SPATA6: variants seen among roughly 807,000 people sequenced by gnomAD.
SPATA6 encodes spermatogenesis associated 6, also known as spermatogenesis-associated protein 6.
A neutral mutation model predicts 65.3 loss-of-function variants in SPATA6; 56 were observed. That is an observed-to-expected ratio of 0.86 (90% confidence interval 0.69 to 1.07). The LOEUF (loss-of-function observed/expected upper bound fraction) is 1.07. SPATA6 is among the 50% of genes least tolerant of loss of function. The probability of loss-of-function intolerance (pLI) is 0.00; values close to 1 mark genes in which losing one functional copy is unlikely to be tolerated. For missense variants in SPATA6, 590 were observed against 594.8 expected (o/e 0.99, Z 0.08); for synonymous variants, 199 against 213.2 (o/e 0.93, Z 0.58).
intron 11 of SPATA6, among the ~76,000 whole-genome samples, chr1:48,306,436 C>G (rs1430355852): frequency 6.6e-6 from 1 of 151,916 alleles, no homozygotes; most frequent in African/African-American, 2.4e-5. Context: ...TATGGGCAGC[C>G]TGTTCTTAAT....
chr1:48,383,301 G>A (rs375506207), intron 9 of SPATA6, among the ~76,000 whole-genome samples: 5,213 of 24,936 alleles, frequency 0.21, 1,836 homozygotes, highest in East Asian at 0.75. Flanking sequence ...CTGGCCGGGC[G>A]GGGGGCTGAC....
At chr1:48,317,170 A>T (rs1367773387) in intron 11 of SPATA6, among the ~76,000 whole-genome samples, 1 of 152,226 alleles carries the variant, frequency 6.6e-6, no homozygotes, top group East Asian at 1.9e-4. Flanking sequence ...CAGCCATCCC[A>T]TTACTGGGTA....
intron 3 of SPATA6, among the ~76,000 whole-genome samples, chr1:48,418,544 CAAAAAAAAAAAA>C (rs34415296): frequency 6.2e-4 from 31 of 49,700 alleles, no homozygotes; most frequent in Admixed American, 1.9e-3. Context: ...CCCATCCCTA[CAAAAAAAAAAAA>C]AAAAAAAAAA....
chr1:48,372,388 T>C (rs1255784337), intron 9 of SPATA6, among the ~76,000 whole-genome samples: 2 of 152,184 alleles, frequency 1.3e-5, no homozygotes, highest in African/African-American at 2.4e-5. Flanking sequence ...ATGATCTCCT[T>C]TGACTCCATA....
chr1:48,438,782 A>G (rs956278799), intron 3 of SPATA6, among the ~76,000 whole-genome samples: 5 of 152,044 alleles, frequency 3.3e-5, no homozygotes, highest in Non-Finnish European at 7.4e-5. Flanking sequence ...AGTTTCTCCT[A>G]TAAGAGTGAT....
chr1:48,456,156 C>T (rs955148858), intron 1 of SPATA6, among the ~76,000 whole-genome samples: 1 of 152,160 alleles, frequency 6.6e-6, no homozygotes, highest in African/African-American at 2.4e-5. Context: ...GCAAATGGCA[C>T]CAGGGCACAG....
chr1:48,353,434 GA>G (rs761585999), intron 11 of SPATA6, among the ~76,000 whole-genome samples: 1,855 of 134,156 alleles, frequency 0.014, 47 homozygotes, highest in African/African-American at 0.048. Context: ...TTTCATTCTT[GA>G]AAAAAAAAAA....
chr1:48,415,444 A>G (rs1264434489), intron 3 of SPATA6, among the ~76,000 whole-genome samples: 2 of 152,152 alleles, frequency 1.3e-5, no homozygotes, highest in Non-Finnish European at 2.9e-5. Flanking sequence ...TTTGTTTTTA[A>G]CACAGACAAC....
intron 8 of SPATA6, among the ~76,000 whole-genome samples, chr1:48,390,545 T>C (rs1399423888): frequency 1.3e-5 from 2 of 152,144 alleles, no homozygotes; most frequent in African/African-American, 4.8e-5. Flanking sequence ...TATTTCAAAG[T>C]AGCTGGAAGA....
intron 11 of SPATA6, among the ~76,000 whole-genome samples, chr1:48,337,674 T>C (rs557595929): frequency 1.3e-5 from 2 of 151,996 alleles, no homozygotes; most frequent in African/African-American, 2.4e-5. Context: ...GGATTACAGA[T>C]GACTAAAAGC....
intron 3 of SPATA6, among the ~76,000 whole-genome samples, chr1:48,415,305 G>A (rs1652655177): frequency 6.6e-6 from 1 of 152,206 alleles, no homozygotes; most frequent in African/African-American, 2.4e-5. Flanking sequence ...GATGGCCTTT[G>A]TGCAAGGCTT....
chr1:48,266,946 T>C, the SPATA6 span, among the ~76,000 whole-genome samples: 5 of 152,210 alleles, frequency 3.3e-5, no homozygotes, highest in Non-Finnish European at 7.3e-5. Context: ...TTTCAACATG[T>C]CCTTGTTAAG....
chr1:48,346,845 T>C (rs988618541), intron 11 of SPATA6, among the ~76,000 whole-genome samples: 1 of 152,064 alleles, frequency 6.6e-6, no homozygotes, highest in Admixed American at 6.6e-5. Flanking sequence ...AAACATCCCA[T>C]GCTCATGGAT....
chr1:48,355,341 T>C (rs1000568100), intron 11 of SPATA6: 4 of 174,176 alleles, frequency 2.3e-5, no homozygotes, highest in African/African-American at 9.5e-5. Flanking sequence ...TGAAATTGCT[T>C]TATATTGGGC....
At chr1:48,411,373 G>C in intron 5 of SPATA6, 91 bp downstream of exon 5, 1 of 1,377,750 alleles carries the variant, frequency 7.3e-7, no homozygotes, top group Non-Finnish European at 9.6e-7. Context: ...CTTTGAATTT[G>C]TTCTTCACAT....
At chr1:48,291,424 T>C (rs1446567377), downstream of SPATA6, among the ~76,000 whole-genome samples, 3 of 151,830 alleles carry the variant, frequency 2.0e-5, no homozygotes, top group African/African-American at 4.8e-5. Flanking sequence ...GGGATGGGGG[T>C]GTGGTTCCCA....
intron 3 of SPATA6, among the ~76,000 whole-genome samples, chr1:48,421,009 G>C (rs1653273856): frequency 1.3e-5 from 2 of 152,146 alleles, no homozygotes; most frequent in African/African-American, 4.8e-5. Flanking sequence ...CAGAAGTAGA[G>C]AGCAGGATAG....
chr1:48,305,368 C>T (rs1236940080), intron 12 of SPATA6, among the ~76,000 whole-genome samples: 4 of 152,046 alleles, frequency 2.6e-5, no homozygotes, highest in Admixed American at 1.3e-4. Flanking sequence ...TGTCAAAAAT[C>T]TTGATGAAAT....
intron 11 of SPATA6, among the ~76,000 whole-genome samples, chr1:48,327,728 A>G (rs1451404040): frequency 6.6e-6 from 1 of 152,174 alleles, no homozygotes; most frequent in Admixed American, 6.5e-5. Context: ...AAAATCAAAT[A>G]CTGCATGTTC....
Sources: gnomAD v4.1 joint callset for allele counts (sites outside exome capture counted in the v4.1 genomes callset) on GRCh38, gnomAD v4.1.1 for gene constraint, MANE v1.5 for transcripts, NCBI Gene and HGNC (gene_info 2026-07-23, HGNC 2026-07-21) for gene names.